Variants in G2E3 observed in about 807,000 individuals in gnomAD.
The protein encoded by G2E3 is G2/M-phase specific E3 ubiquitin protein ligase, also known as G2/M phase-specific E3 ubiquitin-protein ligase.
In G2E3, 35 loss-of-function variants were observed where a neutral mutation model predicts 92.8. The observed-to-expected ratio is 0.38, with a 90% CI of 0.29 to 0.50. The LOEUF is 0.50. Among genes scored for constraint, G2E3 ranks in the 20% least tolerant of loss-of-function variants. The probability of loss-of-function intolerance (pLI) is 0.94; values close to 1 mark genes in which losing one functional copy is unlikely to be tolerated. For missense variants in G2E3, 554 were observed against 823.8 expected, an observed-to-expected ratio of 0.67 and a Z score of 4.01; for synonymous variants, 242 against 272.4, an observed-to-expected ratio of 0.89 and a Z score of 1.10.
intron 11 of G2E3, 144 bp from the exon 12 acceptor site, chr14:30,607,744 G>T: frequency 1.9e-6 from 1 of 528,254 alleles, no homozygotes; most frequent in Non-Finnish European, 3.3e-6. Flanking sequence ...TTTTAGGTAA[G>T]ATCTATATTT....
In G2E3 at chr14:30,612,788, C is replaced by T. The variant is rs1455969927; in HGVS notation, c.1673+409C>T. Among the ~76,000 whole-genome samples, 4 of 152,124 alleles carry T rather than the reference C, an allele frequency of 2.6e-5. No individual in the cohort carries two copies. In the East Asian group the frequency reaches 5.8e-4, roughly 22 times the overall value. On this transcript the variant is annotated intron_variant, in intron 13 of 14. Coordinates refer to ENST00000206595, the MANE Select transcript of G2E3 (RefSeq NM_017769.5). ...AGGAGAATTGCTTGAACCCAAGAGG[C>T]GGAGGTTGCAGTGAGCTAAGATCAT...
intron 1 of G2E3, chr14:30,560,692 C>G: frequency 1.6e-6 from 1 of 633,604 alleles, no homozygotes; most frequent in Non-Finnish European, 2.8e-6. Flanking sequence ...GATTTTTGCT[C>G]TTTCTTAAAT....
intron 11 of G2E3, among the ~76,000 whole-genome samples, chr14:30,606,790 A>G (rs1881852620): frequency 6.6e-6 from 1 of 152,168 alleles, no homozygotes; most frequent in Non-Finnish European, 1.5e-5. Context: ...CAATTTAAAA[A>G]TTAAGGAAAA....
chr14:30,584,100 A>C (rs1398911618), intron 2 of G2E3, among the ~76,000 whole-genome samples: 2 of 152,202 alleles, frequency 1.3e-5, no homozygotes. Context: ...TGGATAAAGT[A>C]ATCCATAAGT....
chr14:30,613,233 T>C (rs900028938), intron 13 of G2E3, among the ~76,000 whole-genome samples: 1 of 152,208 alleles, frequency 6.6e-6, no homozygotes, highest in African/African-American at 2.4e-5. Flanking sequence ...CCTGTCTTGT[T>C]CATCTTTATC....
intron 3 of G2E3, among the ~76,000 whole-genome samples, chr14:30,588,549 C>T (rs1227340815): frequency 1.7e-4 from 26 of 152,044 alleles, no homozygotes. Flanking sequence ...AAAAAAAGTA[C>T]TGACCCCAGA....
intron 6 of G2E3, among the ~76,000 whole-genome samples, chr14:30,596,262 A>G (rs1474459870): frequency 1.3e-5 from 2 of 151,844 alleles, no homozygotes; most frequent in Non-Finnish European, 2.9e-5. Context: ...TACTTAGTAT[A>G]TTCTGTGTAT....
At chr14:30,597,185 A>T (rs147054846) in intron 6 of G2E3, among the ~76,000 whole-genome samples, 132 of 152,366 alleles carry the variant, frequency 8.7e-4, no homozygotes, top group Non-Finnish European at 1.4e-3. Context: ...TGAAAAAAAT[A>T]TATGGGTGAT....
intron 1 of G2E3, chr14:30,574,680 G>T (rs1158501990): frequency 6.6e-6 from 1 of 152,094 alleles, no homozygotes; most frequent in Non-Finnish European, 1.5e-5. Flanking sequence ...GCGGTATTTG[G>T]TTTTTTGTTC....
At position 30,618,845 on chromosome 14, in the gene G2E3, A is replaced by G. The variant is rs917843229; in HGVS notation, c.*2311A>G. 6 of 152,098 alleles carry G rather than the reference A, an allele frequency of 3.9e-5. No homozygotes were observed. The highest frequency in any genetic ancestry group is 1.4e-4 in the African/African-American group (6 of 41,466). 9.4% of individuals were successfully genotyped at this position (152,098 alleles called of 1,614,324 possible). On this transcript the variant is annotated 3_prime_UTR_variant, in exon 15 of 15. Coordinates refer to ENST00000206595, the MANE Select transcript of G2E3 (RefSeq NM_017769.5). Reference sequence around the variant, plus strand: ...TTCTTTTCTTATTAATTTTATAACCAGTGCATAATTCTTACATTAGATTTT... The same window carrying G: ...TTCTTTTCTTATTAATTTTATAACCGGTGCATAATTCTTACATTAGATTTT...
chr14:30,565,701 G>T (rs1044473558), intron 1 of G2E3, among the ~76,000 whole-genome samples: 2 of 107,494 alleles, frequency 1.9e-5, no homozygotes, highest in Admixed American at 1.4e-4. Flanking sequence ...TCGCTTTGTT[G>T]CCCAGGCTGG....
intron 2 of G2E3, among the ~76,000 whole-genome samples, chr14:30,584,038 C>G (rs894451011): frequency 6.6e-6 from 1 of 152,150 alleles, no homozygotes; most frequent in Admixed American, 6.5e-5. Flanking sequence ...TGTCCCCAGC[C>G]CCTGGTAACC....
At chr14:30,596,986 C>T (rs1179581241) in intron 6 of G2E3, among the ~76,000 whole-genome samples, 3 of 152,144 alleles carry the variant, frequency 2.0e-5, no homozygotes, top group African/African-American at 7.2e-5. Flanking sequence ...TTATACTTCT[C>T]CCGTTTTGGG....
chr14:30,593,836 T>G (rs1387051392), intron 6 of G2E3, among the ~76,000 whole-genome samples, 197 bp downstream of exon 6: 1 of 152,206 alleles, frequency 6.6e-6, no homozygotes, highest in Admixed American at 6.5e-5. Context: ...TAACATTCAA[T>G]AAATACTTCA....
At position 30,616,620 on chromosome 14, in the gene G2E3, T is replaced by G. The variant is rs1882328506; in HGVS notation, c.*86T>G. ...TTCACTAACCTTTTCATCATCACTT[T>G]GAACAAACTAGTTAGCTTCTTGACC... On this transcript the variant is annotated 3_prime_UTR_variant, in exon 15 of 15. Coordinates refer to ENST00000206595, the MANE Select transcript of G2E3 (RefSeq NM_017769.5). The G allele has an allele frequency of 2.2e-5, 21 of 951,872 alleles. 1 individual carries two copies. Among genetic ancestry groups the G allele is most frequent in the Non-Finnish European group, 3.4e-5 (21 of 621,026 alleles). 59.0% of individuals were successfully genotyped at this position (951,872 alleles called of 1,614,324 possible). A position where few individuals can be genotyped will look rare whatever the true frequency, so the allele number is the denominator to read the frequency against.
At chr14:30,570,978 A>C (rs1432299067) in intron 1 of G2E3, among the ~76,000 whole-genome samples, 1 of 152,106 alleles carries the variant, frequency 6.6e-6, no homozygotes, top group Non-Finnish European at 1.5e-5. Flanking sequence ...ACTAACTTTA[A>C]GTACAGTTTA....
intron 2 of G2E3, among the ~76,000 whole-genome samples, chr14:30,585,827 A>G (rs1880684761): frequency 6.6e-6 from 1 of 152,104 alleles, no homozygotes; most frequent in Non-Finnish European, 1.5e-5. Context: ...ATAGGCTTGC[A>G]TGAGCCTAAA....
intron 1 of G2E3, among the ~76,000 whole-genome samples, chr14:30,567,287 C>T (rs1594461133): frequency 6.6e-6 from 1 of 152,082 alleles, no homozygotes; most frequent in African/African-American, 2.4e-5. Flanking sequence ...CCAGTGAACC[C>T]ATCTGGGCTA....
chr14:30,614,642 C>T (rs968193999), intron 13 of G2E3, among the ~76,000 whole-genome samples: 1 of 152,218 alleles, frequency 6.6e-6, no homozygotes, highest in African/African-American at 2.4e-5. Flanking sequence ...CATTCTGCTC[C>T]TGGCACTCTA....
Sources: gnomAD v4.1 joint callset for allele counts (sites outside exome capture counted in the v4.1 genomes callset) on GRCh38, gnomAD v4.1.1 for gene constraint, MANE v1.5 for transcripts, NCBI Gene and HGNC (gene_info 2026-07-23, HGNC 2026-07-21) for gene names.